RAPGEF6: variants seen among roughly 807,000 people sequenced by gnomAD.
RAPGEF6 encodes the protein Rap guanine nucleotide exchange factor 6.
RAPGEF6 carries 56 observed loss-of-function variants against 171.4 expected under a neutral mutation model. That is an observed-to-expected ratio of 0.33 (90% CI 0.26 to 0.41). The LOEUF is 0.41. Among genes scored for constraint, RAPGEF6 ranks in the 10% least tolerant of loss-of-function variants. RAPGEF6 has a pLI of 1.00. For synonymous variants in RAPGEF6, 692 were observed against 650.1 expected (o/e 1.06, Z -0.98); for missense variants, 1,674 against 1,921.4 (o/e 0.87, Z 2.41).
intron 1 of RAPGEF6, among the ~76,000 whole-genome samples, chr5:131,621,619 ATTAT>A (rs1371728651): frequency 6.6e-6 from 1 of 152,080 alleles, no homozygotes; most frequent in African/African-American, 2.4e-5. Context: ...ATTACTCTAG[ATTAT>A]TTATTAATAC....
intron 1 of RAPGEF6, among the ~76,000 whole-genome samples, 198 bp downstream of exon 1, chr5:131,634,764 A>G (rs1186492102): frequency 6.6e-6 from 1 of 152,222 alleles, no homozygotes; most frequent in African/African-American, 2.4e-5. Flanking sequence ...ACGCGGGTTA[A>G]GACCGCATCA....
intron 4 of RAPGEF6, among the ~76,000 whole-genome samples, chr5:131,588,360 T>C (rs1370603010): frequency 6.6e-6 from 1 of 152,182 alleles, no homozygotes; most frequent in African/African-American, 2.4e-5. Flanking sequence ...GCACAAAATG[T>C]AGGCAAGAAA....
chr5:131,478,319 T>C (rs1325442870), intron 16 of RAPGEF6, among the ~76,000 whole-genome samples: 1 of 152,204 alleles, frequency 6.6e-6, no homozygotes, highest in African/African-American at 2.4e-5. Context: ...TGCCTCCCAA[T>C]TGTTCTCTCT....
Position 131,596,155 on chromosome 5 carries a change from TA to T in RAPGEF6, c.198-3690del, listed in dbSNP as rs36079255. 5.3e-3 allele frequency among the ~76,000 whole-genome samples: 675 copies of T among 127,054 alleles called. 7 individuals carry two copies. Among genetic ancestry groups the T allele is most frequent in the African/African-American group, 0.019 (606 of 32,262 alleles). 83.4% of individuals were successfully genotyped at this position (127,054 alleles called of 152,430 possible). A position where few individuals can be genotyped will look rare whatever the true frequency, so the allele number is the denominator to read the frequency against. On this transcript the variant is annotated intron_variant, in intron 3 of 27. Coordinates refer to ENST00000509018, the MANE Select transcript of RAPGEF6 (RefSeq NM_016340.6). Reference sequence around the variant, plus strand: ...GGGAGCAGTGCGAGACTCCATCATATAAAAAAAAAAAAAAAAGTTAAAGGAT... The same window carrying T: ...GGGAGCAGTGCGAGACTCCATCATATAAAAAAAAAAAAAAAGTTAAAGGAT...
chr5:131,551,055 CT>C (rs1760891731), intron 5 of RAPGEF6, among the ~76,000 whole-genome samples: 1 of 152,164 alleles, frequency 6.6e-6, no homozygotes, highest in Non-Finnish European at 1.5e-5. Flanking sequence ...TAAATTTTCC[CT>C]TTTGCCTCAA....
chr5:131,605,779 C>T (rs2150017607), intron 1 of RAPGEF6, among the ~76,000 whole-genome samples: 1 of 151,862 alleles, frequency 6.6e-6, no homozygotes, highest in South Asian at 2.1e-4. Context: ...GCCTGTAATC[C>T]CAACACTTTG....
rs879033942 is a variant in RAPGEF6, at chr5:131,469,673, C to A, written c.2239+2914G>T. 8.0e-6 allele frequency: 5 copies of A among 626,864 alleles called. No individual in the cohort carries two copies. The Admixed American group carries it at 1.3e-4, about 17-fold the overall frequency. The allele number at this position is 626,864 out of a possible 1,614,324, so 38.8% of individuals were successfully genotyped here. On this transcript the variant is annotated intron_variant, in intron 17 of 27. Transcript: ENST00000509018. ...GACACATGCCAGTTAATACTGGCTA[C>A]CTTCTAAGTGGAAAGAAAAGTTGTG...
At chr5:131,475,489 T>C (rs1423692789) in intron 16 of RAPGEF6, among the ~76,000 whole-genome samples, 1 of 152,140 alleles carries the variant, frequency 6.6e-6, no homozygotes, top group Non-Finnish European at 1.5e-5. Context: ...CAAAAATACG[T>C]TGACAAGAAA....
chr5:131,430,486 C>T (rs911906172), intron 26 of RAPGEF6, among the ~76,000 whole-genome samples: 8 of 152,172 alleles, frequency 5.3e-5, no homozygotes, highest in African/African-American at 1.4e-4. Flanking sequence ...GTTTCTACCA[C>T]GTATGCATAC....
At chr5:131,589,811 G>C (rs979651672) in intron 4 of RAPGEF6, among the ~76,000 whole-genome samples, 3 of 152,198 alleles carry the variant, frequency 2.0e-5, no homozygotes, top group Non-Finnish European at 4.4e-5. Flanking sequence ...CTGCATCCTG[G>C]TAAGGGGGGT....
intron 11 of RAPGEF6, among the ~76,000 whole-genome samples, chr5:131,500,089 G>C (rs1756919485): frequency 6.6e-6 from 1 of 152,088 alleles, no homozygotes; most frequent in African/African-American, 2.4e-5. Context: ...AGTAGAGACG[G>C]GGTTTCACCA....
At chr5:131,456,522 T>C (rs989739976) in intron 19 of RAPGEF6, among the ~76,000 whole-genome samples, 6 of 152,320 alleles carry the variant, frequency 3.9e-5, no homozygotes, top group Middle Eastern at 3.4e-3. Flanking sequence ...TCCTGTTCAC[T>C]AAGCCTCCAG....
At chr5:131,502,323 C>T (rs78891831) in intron 11 of RAPGEF6, among the ~76,000 whole-genome samples, 1,540 of 152,308 alleles carry the variant, frequency 0.01, 57 homozygotes, top group East Asian at 0.095. Flanking sequence ...TCAGTGCATA[C>T]TATACATAAA....
At chr5:131,471,244 C>T (rs1754716208) in intron 17 of RAPGEF6, among the ~76,000 whole-genome samples, 1 of 152,098 alleles carries the variant, frequency 6.6e-6, no homozygotes, top group Non-Finnish European at 1.5e-5. Flanking sequence ...ACACTGGTAG[C>T]CATGTAGAGA....
chr5:131,567,148 T>C lies in RAPGEF6; in HGVS notation c.282-5101A>G, dbSNP rs1762000890. On this transcript the variant is annotated intron_variant, in intron 4 of 27. Transcript: ENST00000509018. ...ATTTAAAATTTCTTTAGGATGTTAA[T>C]GTCCCCTCTTTTATGCCTGATTCTG... 2.0e-5 allele frequency among the ~76,000 whole-genome samples: 3 copies of C among 152,026 alleles called. No homozygotes were observed. In the South Asian group the frequency reaches 6.2e-4, roughly 32 times the overall value.
chr5:131,612,149 G>A (rs1209245076), intron 1 of RAPGEF6, among the ~76,000 whole-genome samples: 5 of 148,928 alleles, frequency 3.4e-5, no homozygotes, highest in Admixed American at 2.7e-4. Context: ...ATCCTCCCAC[G>A]TTGGCCTTCC....
At chr5:131,483,816 A>G (rs1422878466) in intron 15 of RAPGEF6, among the ~76,000 whole-genome samples, 3 of 152,050 alleles carry the variant, frequency 2.0e-5, no homozygotes, top group Non-Finnish European at 4.4e-5. Context: ...AAGACTTTAC[A>G]GAGGCCGGGC....
intron 17 of RAPGEF6, among the ~76,000 whole-genome samples, chr5:131,469,097 A>T (rs1349412463): frequency 2.0e-5 from 3 of 152,242 alleles, no homozygotes; most frequent in Non-Finnish European, 4.4e-5. Flanking sequence ...GCTGTTTAAA[A>T]ATTTGTGGTA....
chr5:131,486,482 C>A (rs556798890), intron 15 of RAPGEF6, among the ~76,000 whole-genome samples: 8 of 152,122 alleles, frequency 5.3e-5, no homozygotes, highest in Admixed American at 1.3e-4. Flanking sequence ...AGAGTCACAT[C>A]CTTCTTTTAC....
Sources: allele counts gnomAD v4.1 joint callset (sites outside exome capture counted in the v4.1 genomes callset), GRCh38; gene constraint gnomAD v4.1.1; transcripts MANE v1.5; gene names NCBI Gene and HGNC (gene_info 2026-07-23, HGNC 2026-07-21).